Variants in SGTB observed in about 807,000 individuals in gnomAD.
SGTB encodes the protein small glutamine rich tetratricopeptide repeat co-chaperone beta, also known as small glutamine-rich tetratricopeptide repeat-containing protein beta.
In SGTB, 19 loss-of-function variants were observed where a neutral mutation model predicts 43.9. The observed-to-expected ratio is 0.43, with a 90% confidence interval of 0.30 to 0.63. The LOEUF is 0.63. Ranked by LOEUF, SGTB falls within the 30% of genes least tolerant of loss-of-function variation. The probability of loss-of-function intolerance (pLI) is 0.12; values close to 1 mark genes in which losing one functional copy is unlikely to be tolerated. For synonymous variants in SGTB, 116 were observed against 117.3 expected (o/e 0.99, Z 0.07); for missense variants, 304 against 358.9 (o/e 0.85, Z 1.24).
intron 2 of SGTB, among the ~76,000 whole-genome samples, chr5:65,714,768 T>C (rs984754881): frequency 1.3e-5 from 2 of 152,136 alleles, no homozygotes; most frequent in African/African-American, 2.4e-5. Context: ...TGAGCCGAGA[T>C]CACCCCACTG....
chr5:65,686,786 C>G (rs1262092579), intron 5 of SGTB, among the ~76,000 whole-genome samples: 1 of 152,190 alleles, frequency 6.6e-6, no homozygotes, highest in Admixed American at 6.5e-5. Flanking sequence ...CTAATAAGCA[C>G]ACACGAAAAC....
At chr5:65,701,630 AT>A (rs35304663) in intron 5 of SGTB, among the ~76,000 whole-genome samples, 37,120 of 126,226 alleles carry the variant, frequency 0.29, 3,222 homozygotes, top group Non-Finnish European at 0.34. Context: ...TTTAAATTAA[AT>A]TTTTTTTTTT....
intron 8 of SGTB, among the ~76,000 whole-genome samples, chr5:65,678,637 C>G (rs998540843): frequency 6.6e-6 from 1 of 152,128 alleles, no homozygotes; most frequent in Non-Finnish European, 1.5e-5. Flanking sequence ...GGTACTGGTA[C>G]AAGAACAGAC....
intron 5 of SGTB, among the ~76,000 whole-genome samples, chr5:65,688,865 A>G (rs1008559962): frequency 5.9e-5 from 9 of 152,326 alleles, no homozygotes; most frequent in African/African-American, 2.2e-4. Context: ...GCTGCAGTGC[A>G]ATGGCGTGAT....
chr5:65,674,551 C>T (rs1757226243), intron 8 of SGTB, among the ~76,000 whole-genome samples: 1 of 152,198 alleles, frequency 6.6e-6, no homozygotes. Context: ...GAGATGAGAG[C>T]AAGCCTCCCT....
Position 65,666,313 on chromosome 5 carries a change from TTAAA to T in SGTB, c.*3929_*3932del, listed in dbSNP as rs1181126920. The T allele has an allele frequency of 2.6e-5, 4 of 152,262 alleles. No homozygotes were observed. The highest frequency in any genetic ancestry group is 4.4e-5 in the Non-Finnish European group (3 of 67,988). The allele number at this position is 152,262 out of a possible 1,614,324, so 9.4% of individuals were successfully genotyped here. On this transcript the variant is annotated 3_prime_UTR_variant, in exon 11 of 11. Coordinates refer to ENST00000381007, the MANE Select transcript of SGTB (RefSeq NM_019072.3). ...TATTTTTCATAGTTTTAAGTAAAGA[TTAAA>T]TAATGCCATCTTAGAAAGGATCTGT...
intron 6 of SGTB, among the ~76,000 whole-genome samples, chr5:65,683,761 G>A (rs988061751): frequency 2.6e-5 from 4 of 151,778 alleles, no homozygotes; most frequent in African/African-American, 7.3e-5. Context: ...CCTGGCTAAC[G>A]CAGTGAAACC....
intron 8 of SGTB, among the ~76,000 whole-genome samples, chr5:65,679,427 G>C (rs1037411607): frequency 6.6e-6 from 1 of 152,144 alleles, no homozygotes; most frequent in African/African-American, 2.4e-5. Context: ...GACTAGCCTG[G>C]TCAGCATGGT....
At chr5:65,693,011 C>G (rs999197850) in intron 5 of SGTB, among the ~76,000 whole-genome samples, 1 of 151,980 alleles carries the variant, frequency 6.6e-6, no homozygotes, top group African/African-American at 2.4e-5. Flanking sequence ...TTTGAGAAAG[C>G]CTGCCCAACA....
In SGTB at chr5:65,704,530, T is replaced by C. The variant is rs1354084448; in HGVS notation, c.275-152A>G. The stretch of plus-strand genomic sequence containing the variant: ...CTGGAAAAAATTTTACATTGTACTA[T>C]AGAGTTGATATTATTTAGCTTTCAG... On this transcript the variant is annotated intron_variant, in intron 4 of 10. Transcript: ENST00000381007. The C allele has an allele frequency of 2.2e-4, 100 of 461,500 alleles. 1 individual carries two copies. The highest frequency in any genetic ancestry group is 2.6e-5 in the Non-Finnish European group (7 of 268,132). The allele number at this position is 461,500 out of a possible 1,614,324, so 28.6% of individuals were successfully genotyped here. A position where few individuals can be genotyped will look rare whatever the true frequency, so the allele number is the denominator to read the frequency against.
intron 4 of SGTB, among the ~76,000 whole-genome samples, chr5:65,705,272 C>CT (rs1554025826): frequency 1.3e-5 from 2 of 151,036 alleles, no homozygotes; most frequent in Non-Finnish European, 3.0e-5. Flanking sequence ...GTGGGACCCC[C>CT]CCTCATCTCA....
intron 5 of SGTB, among the ~76,000 whole-genome samples, chr5:65,694,417 G>C (rs567644297): frequency 1.3e-5 from 2 of 151,530 alleles, no homozygotes; most frequent in East Asian, 3.9e-4. Flanking sequence ...GGGTGACAAG[G>C]AAAAAAAAGA....
chr5:65,690,844 C>T (rs1757592931), intron 5 of SGTB, among the ~76,000 whole-genome samples: 1 of 152,130 alleles, frequency 6.6e-6, no homozygotes, highest in Non-Finnish European at 1.5e-5. Flanking sequence ...AAACTTCAAA[C>T]TGAATAAAAC....
chr5:65,690,385 G>C (rs1757582919), intron 5 of SGTB, among the ~76,000 whole-genome samples: 1 of 152,180 alleles, frequency 6.6e-6, no homozygotes, highest in South Asian at 2.1e-4. Flanking sequence ...GCTGCAGTGA[G>C]CCATGTTCAT....
At chr5:65,704,049 A>AAAAAAAAAAAAT (rs1554025721) in intron 5 of SGTB, among the ~76,000 whole-genome samples, 1 of 139,634 alleles carries the variant, frequency 7.2e-6, no homozygotes, top group Non-Finnish European at 1.5e-5. Context: ...AAAAAAAAAA[A>AAAAAAAAAAAAT]AAATAAATAA....
intron 8 of SGTB, among the ~76,000 whole-genome samples, chr5:65,676,057 AAAC>A (rs1371045412): frequency 6.6e-6 from 1 of 152,194 alleles, no homozygotes; most frequent in African/African-American, 2.4e-5. Flanking sequence ...CCAGATAAAA[AAAC>A]AAGACCCATC....
chr5:65,695,029 C>A (rs1270323399), intron 5 of SGTB, among the ~76,000 whole-genome samples: 1 of 86,546 alleles, frequency 1.2e-5, no homozygotes, highest in Admixed American at 1.0e-4. Flanking sequence ...TATTTTGGAA[C>A]TACTGAAAGC....
intron 5 of SGTB, among the ~76,000 whole-genome samples, chr5:65,687,899 G>A (rs1163232956): frequency 1.3e-5 from 2 of 152,132 alleles, no homozygotes; most frequent in African/African-American, 4.8e-5. Flanking sequence ...CCCCCAAGTA[G>A]CTGGGATTAC....
At chr5:65,696,033 C>A (rs1207444280) in intron 5 of SGTB, among the ~76,000 whole-genome samples, 1 of 152,178 alleles carries the variant, frequency 6.6e-6, no homozygotes, top group Non-Finnish European at 1.5e-5. Context: ...AAACAAAATG[C>A]GAAATAATGA....
Sources: gnomAD v4.1 joint callset for allele counts (sites outside exome capture counted in the v4.1 genomes callset) on GRCh38, gnomAD v4.1.1 for gene constraint, MANE v1.5 for transcripts, NCBI Gene and HGNC (gene_info 2026-07-23, HGNC 2026-07-21) for gene names.